DISC1: variants seen among roughly 807,000 people sequenced by gnomAD.
DISC1 encodes DISC1 scaffold protein.
DISC1 carries 57 observed loss-of-function variants against 84.5 expected under a neutral mutation model. The ratio of observed to expected loss-of-function variants is 0.67; its 90% CI spans 0.55 to 0.84. The LOEUF (loss-of-function observed/expected upper bound fraction) is 0.84. DISC1 is among the 40% of genes least tolerant of loss of function. The pLI is 0.00. For missense variants in DISC1, 1,000 were observed against 1,057.8 expected, an observed-to-expected ratio of 0.95 and a Z score of 0.76; for synonymous variants, 411 against 415.2, an observed-to-expected ratio of 0.99 and a Z score of 0.12.
Position 231,693,951 on chromosome 1 carries a change from T to A in DISC1, c.193T>A (p.Phe65Ile), listed in dbSNP as rs764887674. The A allele has an allele frequency of 4.3e-6, 7 of 1,614,118 alleles. No homozygotes were observed. The South Asian group carries it at 7.7e-5, about 18-fold the overall frequency. The part of the protein sequence containing the change: ...GFLSPAVGTL[F>I]RFPGGVSGEE... ...CCTTTCCCCAGCAGTGGGCACACTGTTCCGGTTCCCAGGAGGGGTGTCTGG... is the reference window on the plus strand; with the variant it reads ...CCTTTCCCCAGCAGTGGGCACACTGATCCGGTTCCCAGGAGGGGTGTCTGG... Residue 65 changes from phenylalanine (F) to isoleucine (I), a missense_variant, in exon 2 of 13, where the codon TTC (phenylalanine) becomes ATC (isoleucine). By Grantham distance (21) the Phe-to-Ile change is conservative. Around this residue, in one of 3 missense-constraint regions of DISC1, gnomAD observed 292 missense variants for 280.2 expected, o/e 1.04. Coordinates refer to ENST00000439617, the MANE Select transcript of DISC1 (RefSeq NM_018662.3).
At chr1:231,922,277 T>C (rs1299194059) in intron 9 of DISC1, among the ~76,000 whole-genome samples, 1 of 152,182 alleles carries the variant, frequency 6.6e-6, no homozygotes, top group Non-Finnish European at 1.5e-5. Context: ...CACCTTGTCT[T>C]AGATGTCGAG....
At chr1:231,802,189 C>T (rs1188571869) in intron 8 of DISC1, among the ~76,000 whole-genome samples, 5 of 152,036 alleles carry the variant, frequency 3.3e-5, no homozygotes, top group Non-Finnish European at 5.9e-5. Flanking sequence ...TGTCCCTACC[C>T]AAATCTCATC....
At chr1:231,898,392 C>G (rs1298920660) in intron 9 of DISC1, among the ~76,000 whole-genome samples, 5 of 152,142 alleles carry the variant, frequency 3.3e-5, no homozygotes, top group Middle Eastern at 3.4e-3. Context: ...GGTGAAGGAC[C>G]CTTGCCCAGG....
intron 8 of DISC1, among the ~76,000 whole-genome samples, chr1:231,814,608 G>A (rs1466027811): frequency 6.6e-6 from 1 of 152,122 alleles, no homozygotes; most frequent in African/African-American, 2.4e-5. Flanking sequence ...TCATCATCCT[G>A]TGAACCATTG....
rs533252965 is a variant in DISC1, at chr1:231,696,611, C to T, written c.1047+1806C>T. ...TGCATAATGACATTTTGGCCAATGACGGATCACATATATGATGTGACAGTG... is the reference window on the plus strand; with the variant it reads ...TGCATAATGACATTTTGGCCAATGATGGATCACATATATGATGTGACAGTG... On this transcript the variant is annotated intron_variant, in intron 2 of 12. Transcript: ENST00000439617. 5.3e-5 allele frequency among the ~76,000 whole-genome samples: 8 copies of T among 152,356 alleles called. No homozygotes were observed. In the South Asian group the frequency reaches 6.2e-4, roughly 12 times the overall value.
chr1:231,910,829 T>C (rs1301279540), intron 9 of DISC1, among the ~76,000 whole-genome samples: 1 of 152,218 alleles, frequency 6.6e-6, no homozygotes, highest in Non-Finnish European at 1.5e-5. Flanking sequence ...TGTAGGTCTC[T>C]AAGGACTTGC....
intron 6 of DISC1, among the ~76,000 whole-genome samples, chr1:231,780,308 T>C (rs2077322929): frequency 6.6e-6 from 1 of 150,660 alleles, no homozygotes; most frequent in African/African-American, 2.4e-5. Context: ...AATTGATAAA[T>C]TGTGTGATTT....
In DISC1 at chr1:231,670,151, C is replaced by G. The variant is rs142571668; in HGVS notation, c.68-23675C>G. On this transcript the variant is annotated intron_variant, in intron 1 of 12. Coordinates refer to ENST00000439617, the MANE Select transcript of DISC1 (RefSeq NM_018662.3). ...GCATGTTCTCACTTATAAGTGGGAG[C>G]TAAATGGTGAGAACACATGGACATA... 2.4e-4 allele frequency among the ~76,000 whole-genome samples: 37 copies of G among 152,084 alleles called. No individual in the cohort carries two copies. The East Asian group carries it at 6.0e-3, about 25-fold the overall frequency.
intron 9 of DISC1, among the ~76,000 whole-genome samples, chr1:231,891,266 A>T (rs775134523): frequency 6.6e-6 from 1 of 152,214 alleles, no homozygotes; most frequent in African/African-American, 2.4e-5. Flanking sequence ...AAGTTTACGA[A>T]TTTGTATTGG....
At chr1:231,800,034 T>G in intron 7 of DISC1, 74 bp from the exon 8 acceptor site, 1 of 1,077,504 alleles carries the variant, frequency 9.3e-7, no homozygotes, top group Non-Finnish European at 1.4e-6. Context: ...CAGAAATCTC[T>G]GACCTGGCTG....
intron 9 of DISC1, among the ~76,000 whole-genome samples, chr1:231,899,161 C>T (rs748402842): frequency 4.6e-5 from 7 of 152,100 alleles, no homozygotes; most frequent in Admixed American, 1.3e-4. Flanking sequence ...TCCAAAAAGT[C>T]AGGAAAAGGG....
chr1:232,038,630 C>T lies in DISC1; in HGVS notation c.*1799C>T, dbSNP rs1670660046. ...ATCCCATAGATCTAGTATTGTACAG[C>T]ACTGCATTCTCTGAGGAAGTCCCAG... On this transcript the variant is annotated 3_prime_UTR_variant, in exon 13 of 13. Transcript: ENST00000439617. 6.6e-6 allele frequency: 1 copy of T among 152,080 alleles called. No individual in the cohort carries two copies. Among genetic ancestry groups the T allele is most frequent in the Non-Finnish European group, 1.5e-5 (1 of 68,032 alleles). 9.4% of individuals were successfully genotyped at this position (152,080 alleles called of 1,614,324 possible). A position where few individuals can be genotyped will look rare whatever the true frequency, so the allele number is the denominator to read the frequency against.
Position 231,795,249 on chromosome 1 carries a change from GA to G in DISC1, c.1645del (p.Arg549GlufsTer2). ...TCTTTTTAATTCTTCCAGCCTCCAG[GA>G]AAGAATAAAATCCCTCAACTTGTCA... Reference protein sequence around the residue: ...EPPETIRSLQERIKSLNLSLK... With the variant: ...EPPETIRSLQXRIKSLNLSLK... On this transcript the variant is annotated frameshift_variant, in exon 7 of 13. Coordinates refer to ENST00000439617, the MANE Select transcript of DISC1 (RefSeq NM_018662.3). LOFTEE classifies it high-confidence loss of function. 4 of 1,613,580 alleles carry G rather than the reference GA, an allele frequency of 2.5e-6. No homozygotes were observed. Among genetic ancestry groups the G allele is most frequent in the Non-Finnish European group, 3.4e-6 (4 of 1,179,640 alleles).
rs149639410 is a variant in DISC1 at position 231,632,483 on chromosome 1, C to T, written c.67+5549C>T. Among the ~76,000 whole-genome samples the T allele has an allele frequency of 7.8e-4, 119 of 152,290 alleles. 2 individuals carry two copies. The highest frequency in any genetic ancestry group is 3.4e-3 in the Middle Eastern group (1 of 294). On this transcript the variant is annotated intron_variant, in intron 1 of 12. Transcript: ENST00000439617. ...AGAGAAATGCAAATAAGACAGTAAA[C>T]TCCTCGAGGTGAGGAATGGCAATCT...
chr1:231,950,677 A>G (rs948926033), intron 9 of DISC1, among the ~76,000 whole-genome samples: 1 of 152,206 alleles, frequency 6.6e-6, no homozygotes, highest in Admixed American at 6.5e-5. Flanking sequence ...ATGTAGGAGC[A>G]GGTCTGAACT....
In DISC1 at chr1:231,637,580, GT is replaced by G. The variant is rs1344884847; in HGVS notation, c.67+10647del. On this transcript the variant is annotated intron_variant, in intron 1 of 12. Transcript: ENST00000439617. ...GACATGATTTAGCTCCCACTTGTAG[GT>G]GAGACCATGTGATATTTGTGTTTCT... Among the ~76,000 whole-genome samples the G allele has an allele frequency of 2.2e-3, 336 of 152,302 alleles. 1 individual carries two copies. The highest frequency in any genetic ancestry group is 7.5e-3 in the African/African-American group (313 of 41,570).
At chr1:231,793,297 T>A (rs1409418808) in intron 6 of DISC1, among the ~76,000 whole-genome samples, 1 of 152,194 alleles carries the variant, frequency 6.6e-6, no homozygotes, top group Non-Finnish European at 1.5e-5. Context: ...AGGTCATCAT[T>A]TAATCAAGTA....
chr1:231,928,207 A>G (rs568686175), intron 9 of DISC1, among the ~76,000 whole-genome samples: 1 of 152,230 alleles, frequency 6.6e-6, no homozygotes, highest in African/African-American at 2.4e-5. Context: ...TCAGCTATTA[A>G]AACTGGAGAG....
At chr1:231,758,228 G>A (rs2075329373) in intron 4 of DISC1, among the ~76,000 whole-genome samples, 1 of 152,072 alleles carries the variant, frequency 6.6e-6, no homozygotes, top group African/African-American at 2.4e-5. Context: ...AAATCAACCT[G>A]TACTCAGGTC....
Sources: gnomAD v4.1 joint callset for allele counts (sites outside exome capture counted in the v4.1 genomes callset) on GRCh38, gnomAD v4.1.1 for gene constraint, gnomAD v4.1.1 regional missense constraint, MANE v1.5 for transcripts, NCBI Gene and HGNC (gene_info 2026-07-23, HGNC 2026-07-21) for gene names.